SLIT1: variants seen among roughly 807,000 people sequenced by gnomAD.
SLIT1 encodes the protein slit homolog 1 protein.
In SLIT1, 66 loss-of-function variants were observed where a neutral mutation model predicts 186.1. The observed-to-expected ratio is 0.35, with a 90% CI of 0.29 to 0.44. The LOEUF is 0.44. SLIT1 is among the 20% of genes least tolerant of loss of function. The pLI is 1.00. For missense variants in SLIT1, 1,638 were observed against 2,037.4 expected, an observed-to-expected ratio of 0.80 and a Z score of 3.77; for synonymous variants, 761 against 833.8, an observed-to-expected ratio of 0.91 and a Z score of 1.50.
chr10:97,035,051 T>C lies in SLIT1; in HGVS notation c.2367-509A>G, dbSNP rs1295496223. ...GAGGCAGAGCCAGATTCAAAGCCGG[T>C]CCACTGGCCACAAGCCCAGGTTGCT... is the stretch of plus-strand genomic sequence containing the variant. On this transcript the variant is annotated intron_variant, in intron 22 of 36. Coordinates refer to ENST00000266058, the MANE Select transcript of SLIT1 (RefSeq NM_003061.3). 5.9e-5 allele frequency among the ~76,000 whole-genome samples: 9 copies of C among 152,280 alleles called. No individual in the cohort carries two copies. In the East Asian group the frequency reaches 1.7e-3, roughly 29 times the overall value.
chr10:97,134,380 C>T (rs1005697908), intron 4 of SLIT1, among the ~76,000 whole-genome samples: 2 of 152,298 alleles, frequency 1.3e-5, no homozygotes, highest in African/African-American at 2.4e-5. Context: ...CTGAAGGCCG[C>T]GGTTTCCTGG....
In SLIT1 at chr10:97,064,191, G is replaced by A; in HGVS notation, c.606C>T (p.Asn202=). 1.2e-6 allele frequency: 2 copies of A among 1,613,784 alleles called. No individual in the cohort carries two copies. Among genetic ancestry groups the A allele is most frequent in the Admixed American group, 1.7e-5 (1 of 59,994 alleles). The change falls in exon 7 of 37, where the codon AAC becomes AAT. Residue 202 remains asparagine (N), a synonymous_variant. Transcript: ENST00000266058. ...NITTIPVSSF[N]HMPKLRTFRL... is the part of the protein sequence containing the mutation. ...ACAAGGTCCGTAGCTTGGGCATATG[G>A]TTGAAGCTGGACACGGGGATGGTGG...
chr10:97,180,428 C>T (rs1449705486), intron 1 of SLIT1, among the ~76,000 whole-genome samples: 1 of 152,214 alleles, frequency 6.6e-6, no homozygotes, highest in African/African-American at 2.4e-5. Context: ...TCCCAGCTTG[C>T]AGTTATGTGC....
chr10:97,171,035 C>T (rs987617140), intron 1 of SLIT1, among the ~76,000 whole-genome samples: 1 of 152,108 alleles, frequency 6.6e-6, no homozygotes, highest in Admixed American at 6.6e-5. Flanking sequence ...GAGAGGCTCA[C>T]CCTTCCTGCA....
chr10:97,014,867 A>C lies in SLIT1; in HGVS notation c.2970-709T>G, dbSNP rs1410526724. Among the ~76,000 whole-genome samples the C allele has an allele frequency of 5.6e-5, 7 of 124,892 alleles. No homozygotes were observed. In the East Asian group the frequency reaches 2.2e-3, roughly 40 times the overall value. 81.9% of individuals were successfully genotyped at this position (124,892 alleles called of 152,430 possible). On this transcript the variant is annotated intron_variant, in intron 28 of 36. Coordinates refer to ENST00000266058, the MANE Select transcript of SLIT1 (RefSeq NM_003061.3). ...GGTGACACAGCAAGACTCTGTCTCA[A>C]AAAAAAAAAAAAAGCCTAGAGTGGA...
intron 18 of SLIT1, among the ~76,000 whole-genome samples, 160 bp downstream of exon 18, chr10:97,046,494 C>T (rs1337325844): frequency 1.3e-5 from 2 of 152,254 alleles, no homozygotes; most frequent in African/African-American, 2.4e-5. Context: ...GAGTTGCCAA[C>T]TTGATTACCT....
intron 4 of SLIT1, among the ~76,000 whole-genome samples, chr10:97,125,949 G>C (rs1849600566): frequency 6.6e-6 from 1 of 152,114 alleles, no homozygotes; most frequent in South Asian, 2.1e-4. Flanking sequence ...CTCTACAGGA[G>C]GAAAATAAAC....
At chr10:97,058,430 C>T (rs1285577987) in intron 11 of SLIT1, among the ~76,000 whole-genome samples, 1 of 152,192 alleles carries the variant, frequency 6.6e-6, no homozygotes, top group Non-Finnish European at 1.5e-5. Flanking sequence ...CTTAGGAGAG[C>T]TTTATTCACT....
rs571955760 is a variant in SLIT1, at chr10:97,006,010, G to A, written c.3579+473C>T. On this transcript the variant is annotated intron_variant, in intron 32 of 36. Transcript: ENST00000266058. The surrounding 1 kb of genome is among the most constrained non-coding windows in gnomAD (Gnocchi z 4.0). ...ATATTTCATCAATGCTGCTGAAGTG[G>A]GAATTGCTTTATTTTCCCCTCAACA... Among the ~76,000 whole-genome samples the A allele has an allele frequency of 2.6e-5, 4 of 152,310 alleles. No individual in the cohort carries two copies. The South Asian group carries it at 8.3e-4, about 32-fold the overall frequency.
At chr10:97,154,306 T>C (rs949537378) in intron 4 of SLIT1, 1 of 152,234 alleles carries the variant, frequency 6.6e-6, no homozygotes, top group African/African-American at 2.4e-5. Flanking sequence ...TTTTGAGATG[T>C]GACCTGGTGG....
Position 97,043,224 on chromosome 10 carries a change from G to T in SLIT1, c.1997+146C>A. ...AAGAGGACCGGCTCTGAGGACCGGA[G>T]GGAGACTTCGAAATGTGGAACCCAC... On this transcript the variant is annotated intron_variant, in intron 19 of 36. Transcript: ENST00000266058. The surrounding 1 kb of genome is among the most constrained non-coding windows in gnomAD (Gnocchi z 7.0). The T allele has an allele frequency of 7.6e-7, 1 of 1,318,990 alleles. No homozygotes were observed. Among genetic ancestry groups the T allele is most frequent in the Non-Finnish European group, 1.1e-6 (1 of 939,852 alleles). The allele number at this position is 1,318,990 out of a possible 1,614,324, so 81.7% of individuals were successfully genotyped here.
intron 22 of SLIT1, among the ~76,000 whole-genome samples, chr10:97,034,789 C>G (rs1848623691): frequency 6.6e-6 from 1 of 152,160 alleles, no homozygotes; most frequent in Non-Finnish European, 1.5e-5. Context: ...ACCCCCATCC[C>G]TCTGCAAGCA....
chr10:97,034,442 C>G (rs1328807543), intron 23 of SLIT1, 29 bp downstream of exon 23: 1 of 1,579,100 alleles, frequency 6.3e-7, no homozygotes, highest in Admixed American at 1.7e-5. Flanking sequence ...GGCCCCGGGG[C>G]CCCCCACCCC....
chr10:97,071,265 G>T (rs2134645936), intron 4 of SLIT1, among the ~76,000 whole-genome samples: 1 of 152,268 alleles, frequency 6.6e-6, no homozygotes, highest in Non-Finnish European at 1.5e-5. Flanking sequence ...TCAGGGAGAT[G>T]AGAGCATGTG....
In SLIT1 at chr10:97,185,558, G is replaced by A. The variant is rs1850401588; in HGVS notation, c.117C>T (p.Thr39=). 3 of 1,610,874 alleles carry A rather than the reference G, an allele frequency of 1.9e-6. 1 individual carries two copies. In the South Asian group the frequency reaches 3.3e-5, roughly 18 times the overall value. ...LGASACPALC[T]CTGTTVDCHG... is the part of the protein sequence containing the mutation. ...GGCAGTCCACCGTGGTTCCGGTGCA[G>A]GTGCAGAGGGCGGGGCACGCCGAGG... is the stretch of plus-strand genomic sequence containing the variant. Residue 39 remains threonine, a synonymous_variant, in exon 1 of 37, where the codon ACC becomes ACT. Transcript: ENST00000266058.
intron 4 of SLIT1, among the ~76,000 whole-genome samples, chr10:97,122,529 T>C (rs1849568485): frequency 6.6e-6 from 1 of 152,128 alleles, no homozygotes; most frequent in South Asian, 2.1e-4. Flanking sequence ...ACCCGGAGGA[T>C]GACAGACATG....
chr10:97,074,607 A>G (rs1209055838), intron 4 of SLIT1, among the ~76,000 whole-genome samples: 1 of 152,206 alleles, frequency 6.6e-6, no homozygotes, highest in African/African-American at 2.4e-5. Context: ...AGCTCAAGGC[A>G]AGGGCCCTGC....
Position 97,043,055 on chromosome 10 carries a change from G to A in SLIT1, c.2010C>T (p.Ala670=), listed in dbSNP as rs765122158. 6.2e-7 allele frequency: 1 copy of A among 1,613,964 alleles called. No individual in the cohort carries two copies. Among genetic ancestry groups the A allele is most frequent in the South Asian group, 1.1e-5 (1 of 91,044 alleles). The change falls in exon 20 of 37, where the codon GCC becomes GCT. Residue 670 remains alanine, a synonymous_variant. Transcript: ENST00000266058. This position sits in a 1 kb window ranked among gnomAD's most constrained non-coding sequence, Gnocchi z 7.0. ...LQSLSTLNLL[A]NPFNCNCQLA... The stretch of plus-strand genomic sequence containing the variant: ...GCTGGCAGTTGCAGTTGAAAGGGTT[G>A]GCCAGGAGATTCCTGGAAGAGGCAG...
chr10:97,098,455 T>G (rs1849314610), intron 4 of SLIT1, among the ~76,000 whole-genome samples: 1 of 152,118 alleles, frequency 6.6e-6, no homozygotes, highest in Non-Finnish European at 1.5e-5. Context: ...TGAGGGCTTC[T>G]AGGGGTACGG....
Sources: gnomAD v4.1 joint callset for allele counts (sites outside exome capture counted in the v4.1 genomes callset) on GRCh38, gnomAD v4.1.1 for gene constraint, Gnocchi (gnomAD v3.1) non-coding constraint, MANE v1.5 for transcripts, NCBI Gene and HGNC (gene_info 2026-07-23, HGNC 2026-07-21) for gene names.